CUL3: variants seen among roughly 807,000 people sequenced by gnomAD.
The protein encoded by CUL3 is cullin 3, also known as cullin-3.
CUL3 carries 19 observed loss-of-function variants against 89.1 expected under a neutral mutation model. The ratio of observed to expected loss-of-function variants is 0.21; its 90% confidence interval spans 0.15 to 0.31. CUL3 has a LOEUF of 0.31. CUL3 is among the 10% of genes least tolerant of loss of function. CUL3 has a pLI of 1.00. For missense variants in CUL3, 469 were observed against 942.3 expected (o/e 0.50, Z 6.58); for synonymous variants, 351 against 308.4 (o/e 1.14, Z -1.45).
In CUL3 at chr2:224,471,947, A is replaced by G. The variant is rs1447773971; in HGVS notation, c.*2298T>C. The G allele has an allele frequency of 4.3e-6, 1 of 231,088 alleles. No individual in the cohort carries two copies. The highest frequency in any genetic ancestry group is 2.2e-5 in the African/African-American group (1 of 45,282). 14.3% of individuals were successfully genotyped at this position (231,088 alleles called of 1,614,324 possible). On this transcript the variant is annotated 3_prime_UTR_variant, in exon 16 of 16. Transcript: ENST00000264414. The stretch of plus-strand genomic sequence containing the variant: ...AGGATGCATTTTTCTTTCAAATTAA[A>G]GCATTAAAAACTGAGAAAAAATAGC...
intron 1 of CUL3, among the ~76,000 whole-genome samples, chr2:224,580,629 A>C (rs1338854650): frequency 6.6e-6 from 1 of 152,212 alleles, no homozygotes; most frequent in Non-Finnish European, 1.5e-5. Flanking sequence ...GGCTGCAGTG[A>C]GCCAAGATCG....
chr2:224,529,725 G>A (rs1693620264), intron 3 of CUL3, among the ~76,000 whole-genome samples: 1 of 152,164 alleles, frequency 6.6e-6, no homozygotes, highest in Admixed American at 6.5e-5. Context: ...GCATTAGGAA[G>A]GGGTGGAGTG....
chr2:224,570,219 C>T (rs1292126236), intron 1 of CUL3, among the ~76,000 whole-genome samples: 1 of 152,080 alleles, frequency 6.6e-6, no homozygotes, highest in African/African-American at 2.4e-5. Context: ...AAACAGTATA[C>T]AACTACTTAT....
chr2:224,477,265 A>C (rs930673627), intron 15 of CUL3, among the ~76,000 whole-genome samples: 2 of 152,170 alleles, frequency 1.3e-5, no homozygotes, highest in Non-Finnish European at 2.9e-5. Context: ...GCTCTGGTGG[A>C]ACCTAAGGAT....
chr2:224,503,454 A>T (rs1348848514), intron 9 of CUL3, among the ~76,000 whole-genome samples, 198 bp downstream of exon 9: 1 of 152,222 alleles, frequency 6.6e-6, no homozygotes, highest in Non-Finnish European at 1.5e-5. Context: ...ACACCAACAG[A>T]AATTCCAGCA....
chr2:224,570,319 A>G (rs547970464), intron 1 of CUL3, among the ~76,000 whole-genome samples: 1 of 152,236 alleles, frequency 6.6e-6, no homozygotes, highest in Non-Finnish European at 1.5e-5. Flanking sequence ...GCTTTGAGAA[A>G]AACAGCCCAG....
intron 1 of CUL3, among the ~76,000 whole-genome samples, chr2:224,575,405 T>C (rs1695276145): frequency 1.3e-5 from 2 of 152,130 alleles, no homozygotes; most frequent in Admixed American, 1.3e-4. Context: ...GGTAGAACGA[T>C]CCAAGATGCT....
chr2:224,572,801 A>G (rs10933069), intron 1 of CUL3, among the ~76,000 whole-genome samples: 74,288 of 151,940 alleles, frequency 0.49, 18,335 homozygotes, highest in East Asian at 0.59. Flanking sequence ...CCCACCAAAG[A>G]ATTCCGAGAG....
intron 13 of CUL3, among the ~76,000 whole-genome samples, chr2:224,487,443 C>CAAA (rs530054431): frequency 6.4e-4 from 18 of 28,046 alleles, no homozygotes; most frequent in African/African-American, 1.2e-3. Context: ...CCGCCCCCCC[C>CAAA]AAAAAAAAAA....
At chr2:224,528,053 T>G (rs941242912) in intron 3 of CUL3, among the ~76,000 whole-genome samples, 2 of 152,258 alleles carry the variant, frequency 1.3e-5, no homozygotes, top group Non-Finnish European at 2.9e-5. Context: ...TACACCTAGT[T>G]GATCACAGCA....
intron 3 of CUL3, among the ~76,000 whole-genome samples, chr2:224,527,008 C>T (rs1693505600): frequency 6.6e-6 from 1 of 152,122 alleles, no homozygotes; most frequent in Admixed American, 6.5e-5. Flanking sequence ...GTTTCCTTGA[C>T]ATAAGGCCTA....
intron 3 of CUL3, among the ~76,000 whole-genome samples, chr2:224,519,849 T>C (rs1459200639): frequency 1.3e-5 from 2 of 152,134 alleles, no homozygotes; most frequent in Non-Finnish European, 2.9e-5. Flanking sequence ...GTCTATTTTT[T>C]AAGATTTTTT....
At chr2:224,528,088 T>C (rs958778797) in intron 3 of CUL3, among the ~76,000 whole-genome samples, 1 of 152,222 alleles carries the variant, frequency 6.6e-6, no homozygotes, top group African/African-American at 2.4e-5. Flanking sequence ...TTTTTTTTCC[T>C]TGTATTAGTT....
chr2:224,532,428 C>G (rs979456958), intron 3 of CUL3, among the ~76,000 whole-genome samples: 1 of 146,194 alleles, frequency 6.8e-6, no homozygotes, highest in Non-Finnish European at 1.5e-5. Flanking sequence ...GTTAGAAGAA[C>G]GAAGGAATGA....
intron 3 of CUL3, among the ~76,000 whole-genome samples, chr2:224,523,956 T>C (rs909727257): frequency 3.9e-5 from 6 of 152,120 alleles, no homozygotes; most frequent in Admixed American, 1.3e-4. Context: ...ATTTCAGTTT[T>C]GCAAGATGAA....
At chr2:224,546,774 TCC>T (rs1397195714) in intron 2 of CUL3, among the ~76,000 whole-genome samples, 3 of 152,046 alleles carry the variant, frequency 2.0e-5, no homozygotes, top group Non-Finnish European at 4.4e-5. Flanking sequence ...AAGCCTCCTC[TCC>T]CCTAACATCA....
intron 1 of CUL3, among the ~76,000 whole-genome samples, chr2:224,580,960 G>C (rs1418410287): frequency 6.6e-6 from 1 of 151,612 alleles, no homozygotes; most frequent in Admixed American, 6.6e-5. Flanking sequence ...GTGGATTTTG[G>C]TCAAAGGATA....
At chr2:224,558,456 C>T (rs940719583) in intron 1 of CUL3, among the ~76,000 whole-genome samples, 2 of 152,076 alleles carry the variant, frequency 1.3e-5, no homozygotes, top group East Asian at 1.9e-4. Context: ...AAAAACAACC[C>T]GATGAGACAC....
At chr2:224,475,895 A>G (rs1691299574) in intron 15 of CUL3, among the ~76,000 whole-genome samples, 1 of 152,220 alleles carries the variant, frequency 6.6e-6, no homozygotes, top group African/African-American at 2.4e-5. Context: ...TTTGCTGAGT[A>G]AAGATGTAGT....
Sources: allele counts gnomAD v4.1 joint callset (sites outside exome capture counted in the v4.1 genomes callset), GRCh38; gene constraint gnomAD v4.1.1; transcripts MANE v1.5; gene names NCBI Gene and HGNC (gene_info 2026-07-23, HGNC 2026-07-21).